BDKRB2: variants seen among roughly 807,000 people sequenced by gnomAD.
BDKRB2 encodes the protein B2 bradykinin receptor.
BDKRB2 carries 6 observed loss-of-function variants against 4.0 expected under a neutral mutation model. The ratio of observed to expected loss-of-function variants is 1.49; its 90% CI spans 0.81 to 2.93. BDKRB2 has a LOEUF of 2.93. Among genes scored for constraint, BDKRB2 ranks in the 30% most tolerant of loss-of-function variants. The pLI is 0.00. For missense variants in BDKRB2, 478 were observed against 520.1 expected (o/e 0.92, Z 0.79); for synonymous variants, 225 against 215.3 (o/e 1.05, Z -0.40).
chr14:96,235,400 A>C (rs1186614361), intron 1 of BDKRB2, among the ~76,000 whole-genome samples: 1 of 149,310 alleles, frequency 6.7e-6, no homozygotes, highest in Admixed American at 6.7e-5. Context: ...ATGATCTCTC[A>C]CCACTGTTGA....
At chr14:96,213,501 C>CACAT (rs1890349789) in intron 1 of BDKRB2, among the ~76,000 whole-genome samples, 2 of 63,750 alleles carry the variant, frequency 3.1e-5, no homozygotes, top group East Asian at 5.5e-4. Flanking sequence ...CCCAAACACA[C>CACAT]ACACACACAC....
intron 2 of BDKRB2, chr14:96,238,313 A>T: frequency 2.0e-6 from 1 of 490,360 alleles, no homozygotes; most frequent in Non-Finnish European, 2.6e-6. Flanking sequence ...GCCAAGAAAG[A>T]TGCTGCAAAG....
chr14:96,209,564 A>G (rs1222928315), intron 1 of BDKRB2, among the ~76,000 whole-genome samples: 1 of 152,244 alleles, frequency 6.6e-6, no homozygotes, highest in Non-Finnish European at 1.5e-5. Flanking sequence ...TGGCCAAAAG[A>G]GGCAAGCAGT....
chr14:96,207,888 T>G (rs767415036), intron 1 of BDKRB2, among the ~76,000 whole-genome samples: 1 of 152,144 alleles, frequency 6.6e-6, no homozygotes, highest in South Asian at 2.1e-4. Context: ...CTGCCAAGAC[T>G]TGACACCCCA....
intron 1 of BDKRB2, among the ~76,000 whole-genome samples, chr14:96,214,990 G>T (rs1346890447): frequency 5.3e-5 from 8 of 152,056 alleles, no homozygotes; most frequent in Admixed American, 6.6e-5. Flanking sequence ...AGCACAAATT[G>T]GCTGATTATC....
At chr14:96,207,029 G>A (rs1890198594) in intron 1 of BDKRB2, among the ~76,000 whole-genome samples, 1 of 152,072 alleles carries the variant, frequency 6.6e-6, no homozygotes. Flanking sequence ...CAAGGAGGGG[G>A]ACCTCATGAT....
At chr14:96,232,274 GA>G (rs368241733) in intron 1 of BDKRB2, among the ~76,000 whole-genome samples, 2 of 152,278 alleles carry the variant, frequency 1.3e-5, no homozygotes, top group East Asian at 1.9e-4. Flanking sequence ...CTGTATAGTT[GA>G]AAAAAACGAG....
rs188106955 is a variant in BDKRB2 at position 96,210,147 on chromosome 14, G to A, written c.-40+5188G>A. Among the ~76,000 whole-genome samples the A allele has an allele frequency of 2.1e-3, 320 of 152,252 alleles. 2 individuals are homozygous for A. The highest frequency in any genetic ancestry group is 7.3e-3 in the African/African-American group (302 of 41,550). ...AAGCTAAGCTGTTAATTTATATCAT[G>A]AGGGTGAAATACAACAGAGCTGCTT... On this transcript the variant is annotated intron_variant, in intron 1 of 2. Transcript: ENST00000554311.
rs574825842 is a variant in BDKRB2, at chr14:96,241,279, C to T, written c.951C>T (p.Ala317=). 6.8e-6 allele frequency: 11 copies of T among 1,614,048 alleles called. No individual in the cohort carries two copies. The South Asian group carries it at 1.1e-4, about 16-fold the overall frequency. The part of the protein sequence containing the change: ...ERIIDVITQI[A]SFMAYSNSCL... The stretch of plus-strand genomic sequence containing the variant: ...TCATCGATGTAATCACACAGATCGC[C>T]TCCTTCATGGCCTACAGCAACAGCT... Residue 317 remains alanine, a synonymous_variant, in exon 3 of 3, where the codon GCC becomes GCT. Coordinates refer to ENST00000554311, the MANE Select transcript of BDKRB2 (RefSeq NM_001379692.1).
intron 1 of BDKRB2, among the ~76,000 whole-genome samples, chr14:96,220,803 G>C (rs1827412420): frequency 6.6e-6 from 1 of 152,004 alleles, no homozygotes; most frequent in South Asian, 2.1e-4. Context: ...GCCAAGATGA[G>C]ATCTATACTT....
chr14:96,210,019 C>A (rs58344703), intron 1 of BDKRB2, among the ~76,000 whole-genome samples: 35,883 of 122,940 alleles, frequency 0.29, 4,849 homozygotes, highest in Admixed American at 0.38. Context: ...TAATAATAAT[C>A]ATCATCATCA....
chr14:96,233,122 G>T (rs933980743), intron 1 of BDKRB2, among the ~76,000 whole-genome samples: 2 of 152,262 alleles, frequency 1.3e-5, no homozygotes, highest in Non-Finnish European at 2.9e-5. Context: ...ATCACCCCGG[G>T]CTCAGCTGAT....
At chr14:96,208,946 G>A (rs909712091) in intron 1 of BDKRB2, among the ~76,000 whole-genome samples, 1 of 152,188 alleles carries the variant, frequency 6.6e-6, no homozygotes. Flanking sequence ...CGCCCGTGGG[G>A]TGTTGTGACC....
intron 1 of BDKRB2, chr14:96,233,994 C>T (rs1054006242): frequency 2.0e-5 from 3 of 152,148 alleles, no homozygotes; most frequent in Non-Finnish European, 2.9e-5. Flanking sequence ...CTGTGAGGCA[C>T]ATGAGTCCAC....
At chr14:96,224,971 A>C (rs1444616396) in intron 1 of BDKRB2, among the ~76,000 whole-genome samples, 2 of 152,190 alleles carry the variant, frequency 1.3e-5, no homozygotes, top group Non-Finnish European at 2.9e-5. Flanking sequence ...GATCTTCAGA[A>C]GCCACAGGGA....
intron 1 of BDKRB2, chr14:96,223,074 G>A (rs901731812): frequency 2.9e-5 from 27 of 927,984 alleles, no homozygotes; most frequent in African/African-American, 1.1e-4. Flanking sequence ...GGAGGTTGGC[G>A]GCACAGGGCT....
At chr14:96,216,440 G>A (rs531703100) in intron 1 of BDKRB2, among the ~76,000 whole-genome samples, 20 of 151,862 alleles carry the variant, frequency 1.3e-4, no homozygotes, top group Non-Finnish European at 2.8e-4. Flanking sequence ...AGACAAGCCT[G>A]GGCAAGATCC....
chr14:96,241,175 T>C lies in BDKRB2; in HGVS notation c.847T>C (p.Trp283Arg). ...TGTGCTGCTGCTATTCATCATCTGC[T>C]GGCTGCCCTTCCAGATCAGCACCTT... Reference protein sequence around the residue: ...LVVLLLFIICWLPFQISTFLD... With the variant: ...LVVLLLFIICRLPFQISTFLD... The change falls in exon 3 of 3, where the codon TGG (tryptophan) becomes CGG (arginine). Residue 283 changes from tryptophan to arginine, a missense_variant. Physicochemically the swap from Trp to Arg is moderately radical, Grantham distance 101 (BLOSUM62 -3). Coordinates refer to ENST00000554311, the MANE Select transcript of BDKRB2 (RefSeq NM_001379692.1). The C allele has an allele frequency of 6.2e-7, 1 of 1,605,774 alleles. No homozygotes were observed. Among genetic ancestry groups the C allele is most frequent in the Non-Finnish European group, 8.5e-7 (1 of 1,173,952 alleles).
Position 96,241,172 on chromosome 14 carries a change from T to C in BDKRB2, c.844T>C (p.Cys282Arg). Residue 282 changes from cysteine to arginine, a missense_variant, in exon 3 of 3, where the codon TGC (cysteine) becomes CGC (arginine). Physicochemically the swap from Cys to Arg is radical, Grantham distance 180. Transcript: ENST00000554311. Reference sequence around the variant, plus strand: ...GGTTGTGCTGCTGCTATTCATCATCTGCTGGCTGCCCTTCCAGATCAGCAC... The same window carrying C: ...GGTTGTGCTGCTGCTATTCATCATCCGCTGGCTGCCCTTCCAGATCAGCAC... ...VLVVLLLFII[C>R]WLPFQISTFL... The C allele has an allele frequency of 6.2e-7, 1 of 1,606,006 alleles. No homozygotes were observed. Among genetic ancestry groups the C allele is most frequent in the Non-Finnish European group, 8.5e-7 (1 of 1,174,122 alleles).
Sources: allele counts gnomAD v4.1 joint callset (sites outside exome capture counted in the v4.1 genomes callset), GRCh38; gene constraint gnomAD v4.1.1; transcripts MANE v1.5; gene names NCBI Gene and HGNC (gene_info 2026-07-23, HGNC 2026-07-21).